VTI1A: variants seen among roughly 807,000 people sequenced by gnomAD.
VTI1A encodes vesicle transport through interaction with t-SNAREs homolog 1A.
Under a neutral mutation model 34.9 loss-of-function variants are expected in VTI1A, and 22 were observed. The observed-to-expected ratio is 0.63, with a 90% confidence interval of 0.45 to 0.90. The LOEUF is 0.90. Ranked by LOEUF, VTI1A falls within the 40% of genes least tolerant of loss-of-function variation. The probability of loss-of-function intolerance (pLI) is 0.00; values close to 1 mark genes in which losing one functional copy is unlikely to be tolerated. For missense variants in VTI1A, 268 were observed against 275.6 expected (o/e 0.97, Z 0.20); for synonymous variants, 87 against 97.3 (o/e 0.89, Z 0.62).
At chr10:112,759,703 T>G (rs17130052) in intron 7 of VTI1A, among the ~76,000 whole-genome samples, 29,224 of 152,094 alleles carry the variant, frequency 0.19, 3,217 homozygotes, top group East Asian at 0.27. Flanking sequence ...AAGAAGCAGA[T>G]TCAAAGGAAC....
chr10:112,668,213 C>G lies in VTI1A; in HGVS notation c.428-5C>G. The G allele has an allele frequency of 6.2e-7, 1 of 1,611,610 alleles. No individual in the cohort carries two copies. The highest frequency in any genetic ancestry group is 1.1e-5 in the South Asian group (1 of 90,840). On this transcript the variant is annotated splice_polypyrimidine_tract_variant and splice_region_variant and intron_variant, in intron 5 of 7. Transcript: ENST00000393077. The stretch of plus-strand genomic sequence containing the variant: ...TTTTCCTCACTCAAATTTTCTTTTC[C>G]GTAGAGCAAATTGGTCAGGAGATGT...
At chr10:112,602,898 A>G (rs942339279) in intron 5 of VTI1A, among the ~76,000 whole-genome samples, 1 of 152,228 alleles carries the variant, frequency 6.6e-6, no homozygotes, top group East Asian at 1.9e-4. Context: ...GTCACATAGA[A>G]CTACTTGAAA....
At chr10:112,831,524 G>C in the VTI1A span, 2 of 152,184 alleles carry the variant, frequency 1.3e-5, no homozygotes, top group African/African-American at 4.8e-5. Flanking sequence ...TATTTTAAGA[G>C]GGAGCTGAGC....
intron 5 of VTI1A, among the ~76,000 whole-genome samples, chr10:112,554,911 C>T (rs1851490084): frequency 6.6e-6 from 1 of 151,998 alleles, no homozygotes; most frequent in South Asian, 2.1e-4. Flanking sequence ...AGGAAGTATT[C>T]GATGTATATG....
intron 5 of VTI1A, among the ~76,000 whole-genome samples, chr10:112,600,120 C>T (rs543280460): frequency 6.6e-6 from 1 of 152,266 alleles, no homozygotes; most frequent in African/African-American, 2.4e-5. Context: ...TTATTTACCA[C>T]CACATCACAA....
intron 5 of VTI1A, among the ~76,000 whole-genome samples, chr10:112,620,476 CG>C: frequency 6.6e-6 from 1 of 152,098 alleles, no homozygotes; most frequent in Admixed American, 6.6e-5. Flanking sequence ...GGACTTGTGG[CG>C]GGGGCCAGTT....
chr10:112,719,169 C>G (rs1849707257), intron 7 of VTI1A, among the ~76,000 whole-genome samples: 1 of 152,348 alleles, frequency 6.6e-6, no homozygotes, highest in African/African-American at 2.4e-5. Context: ...CATTTTACAT[C>G]ACTGAGTCGA....
At chr10:112,474,397 T>C (rs531474943) in intron 3 of VTI1A, among the ~76,000 whole-genome samples, 1 of 152,110 alleles carries the variant, frequency 6.6e-6, no homozygotes, top group East Asian at 1.9e-4. Flanking sequence ...TTATATATTA[T>C]GTGCATGTGC....
chr10:112,644,377 G>A (rs764682113), intron 5 of VTI1A, among the ~76,000 whole-genome samples: 2 of 152,136 alleles, frequency 1.3e-5, no homozygotes, highest in Non-Finnish European at 2.9e-5. Context: ...TTAAAGTGAC[G>A]ATGGGTTTTA....
chr10:112,464,425 C>T, intron 2 of VTI1A, 122 bp from the exon 3 acceptor site: 1 of 798,162 alleles, frequency 1.3e-6, no homozygotes, highest in Non-Finnish European at 2.0e-6. Context: ...TCATTCAGCA[C>T]CCTGAACCTG....
intron 7 of VTI1A, among the ~76,000 whole-genome samples, chr10:112,802,946 G>T (rs1352527508): frequency 5.3e-5 from 8 of 152,176 alleles, no homozygotes; most frequent in Admixed American, 3.9e-4. Flanking sequence ...CCTCGAAATT[G>T]AGTAATCTTG....
intron 5 of VTI1A, among the ~76,000 whole-genome samples, chr10:112,541,045 C>T (rs1236618906): frequency 6.6e-6 from 1 of 152,144 alleles, no homozygotes; most frequent in Non-Finnish European, 1.5e-5. Context: ...CACAAGGCTA[C>T]AGTTATTTCT....
At chr10:112,552,341 C>T (rs977339345) in intron 5 of VTI1A, among the ~76,000 whole-genome samples, 5 of 152,126 alleles carry the variant, frequency 3.3e-5, no homozygotes, top group African/African-American at 1.2e-4. Context: ...TAGTTTCCCT[C>T]TTTCTCATTA....
At chr10:112,486,380 T>A (rs1283386578) in intron 3 of VTI1A, among the ~76,000 whole-genome samples, 1 of 152,164 alleles carries the variant, frequency 6.6e-6, no homozygotes, top group Non-Finnish European at 1.5e-5. Flanking sequence ...TCACAATGGG[T>A]TAATCATGAA....
At chr10:112,600,363 T>A (rs1054917312) in intron 5 of VTI1A, among the ~76,000 whole-genome samples, 1 of 152,332 alleles carries the variant, frequency 6.6e-6, no homozygotes, top group East Asian at 1.9e-4. Flanking sequence ...TAGCATAAAA[T>A]CTCGTCTTTA....
At chr10:112,707,380 CTG>C (rs1365330615) in intron 7 of VTI1A, among the ~76,000 whole-genome samples, 1 of 152,098 alleles carries the variant, frequency 6.6e-6, no homozygotes, top group African/African-American at 2.4e-5. Flanking sequence ...ATCGCCCAGA[CTG>C]GAGTACAATG....
chr10:112,786,999 G>A (rs1261161279), intron 7 of VTI1A, among the ~76,000 whole-genome samples: 1 of 152,094 alleles, frequency 6.6e-6, no homozygotes, highest in Admixed American at 6.5e-5. Context: ...TTCATAAATT[G>A]TGATGTAATT....
intron 7 of VTI1A, among the ~76,000 whole-genome samples, chr10:112,727,093 C>T (rs1239739096): frequency 6.6e-6 from 1 of 152,162 alleles, no homozygotes; most frequent in African/African-American, 2.4e-5. Flanking sequence ...CTGATGAGTT[C>T]ACAAGGTGAG....
chr10:112,491,026 C>T (rs1224300331), intron 3 of VTI1A, among the ~76,000 whole-genome samples: 1 of 152,052 alleles, frequency 6.6e-6, no homozygotes, highest in Non-Finnish European at 1.5e-5. Context: ...GACATACCAC[C>T]TTTCCCCAGT....
Sources: allele counts gnomAD v4.1 joint callset (sites outside exome capture counted in the v4.1 genomes callset), GRCh38; gene constraint gnomAD v4.1.1; transcripts MANE v1.5; gene names NCBI Gene and HGNC (gene_info 2026-07-23, HGNC 2026-07-21).